The following LRP1B variants were observed in gnomAD, a reference collection of about 807,000 sequenced individuals.
LRP1B encodes the protein low-density lipoprotein receptor-related protein 1B.
A neutral mutation model predicts 556.6 loss-of-function variants in LRP1B; 217 were observed. That is an observed-to-expected ratio of 0.39 (90% CI 0.35 to 0.44). The LOEUF is 0.44. Among genes scored for constraint, LRP1B ranks in the 20% least tolerant of loss-of-function variants. The pLI is 1.00. For synonymous variants in LRP1B, 2,047 were observed against 1,865.8 expected, an observed-to-expected ratio of 1.10 and a Z score of -2.50; for missense variants, 5,053 against 5,620.8, an observed-to-expected ratio of 0.90 and a Z score of 3.23.
At chr2:140,969,428 T>C (rs1192216338) in intron 18 of LRP1B, among the ~76,000 whole-genome samples, 2 of 151,416 alleles carry the variant, frequency 1.3e-5, no homozygotes, top group African/African-American at 4.9e-5. Context: ...TGACTCTGCA[T>C]GTGAGATGGG....
At chr2:141,917,091 T>A (rs949587838) in intron 1 of LRP1B, among the ~76,000 whole-genome samples, 1 of 152,184 alleles carries the variant, frequency 6.6e-6, no homozygotes, top group Non-Finnish European at 1.5e-5. Context: ...ACAATTTATA[T>A]AACACTTATA....
intron 47 of LRP1B, 77 bp from the exon 48 acceptor site, chr2:140,526,427 T>A: frequency 1.0e-6 from 1 of 957,324 alleles, no homozygotes; most frequent in Admixed American, 2.2e-5. Context: ...AATATTTCAA[T>A]TATTTTATAT....
intron 2 of LRP1B, among the ~76,000 whole-genome samples, chr2:141,526,468 C>T (rs1259863416): frequency 6.6e-6 from 1 of 152,054 alleles, no homozygotes; most frequent in Non-Finnish European, 1.5e-5. Flanking sequence ...ATATTAATTA[C>T]TCTTTGATTC....
intron 41 of LRP1B, among the ~76,000 whole-genome samples, chr2:140,618,103 G>GA (rs566572518): frequency 1.2e-3 from 183 of 151,134 alleles, no homozygotes; most frequent in African/African-American, 4.3e-3. Flanking sequence ...TATAATAATT[G>GA]AAAAAACAGA....
intron 83 of LRP1B, among the ~76,000 whole-genome samples, chr2:140,308,211 A>G (rs1177047051): frequency 1.3e-5 from 2 of 151,892 alleles, no homozygotes; most frequent in South Asian, 2.1e-4. Flanking sequence ...TAAAAGCTAG[A>G]TTTATTTGAT....
chr2:140,611,906 A>G (rs1683084897), intron 41 of LRP1B, among the ~76,000 whole-genome samples: 1 of 152,136 alleles, frequency 6.6e-6, no homozygotes, highest in Admixed American at 6.5e-5. Flanking sequence ...GGAAAAATAA[A>G]TGCTCACCTT....
chr2:141,077,130 C>T (rs1699808498), intron 7 of LRP1B, among the ~76,000 whole-genome samples: 4 of 152,018 alleles, frequency 2.6e-5, no homozygotes, highest in African/African-American at 7.2e-5. Context: ...TGCCTCTAGT[C>T]GCAGCTACTC....
rs867589333 is a variant in LRP1B at position 141,356,715 on chromosome 2, C to A, written c.344-102074G>T. Among the ~76,000 whole-genome samples the A allele has an allele frequency of 3.9e-5, 6 of 152,026 alleles. No homozygotes were observed. The South Asian group carries it at 6.2e-4, about 16-fold the overall frequency. On this transcript the variant is annotated intron_variant, in intron 3 of 90. Transcript: ENST00000389484. ...GGTTTCTCTCACTTTGAGAAGAAGA[C>A]AAATATGTTTTATATAACTGTGAGG...
At chr2:141,387,702 C>G (rs2104899017) in intron 3 of LRP1B, among the ~76,000 whole-genome samples, 1 of 152,188 alleles carries the variant, frequency 6.6e-6, no homozygotes, top group Non-Finnish European at 1.5e-5. Context: ...AGGTCAAGAA[C>G]AGAGGGCTTC....
At chr2:140,977,245 G>A (rs1297976281) in intron 18 of LRP1B, among the ~76,000 whole-genome samples, 2 of 152,048 alleles carry the variant, frequency 1.3e-5, no homozygotes, top group Non-Finnish European at 2.9e-5. Context: ...GAGATCTGAG[G>A]GTATCATTAG....
At chr2:140,930,129 A>T (rs1371521934) in intron 20 of LRP1B, among the ~76,000 whole-genome samples, 1 of 152,064 alleles carries the variant, frequency 6.6e-6, no homozygotes, top group African/African-American at 2.4e-5. Context: ...CACACAATCT[A>T]TCTTTGTAAT....
intron 3 of LRP1B, among the ~76,000 whole-genome samples, chr2:141,313,721 T>C (rs1351250746): frequency 6.6e-6 from 1 of 152,184 alleles, no homozygotes; most frequent in African/African-American, 2.4e-5. Context: ...AGTGGGTGAT[T>C]ATTTTGGAAA....
intron 20 of LRP1B, among the ~76,000 whole-genome samples, chr2:140,934,093 T>C (rs1695133356): frequency 6.6e-6 from 1 of 152,116 alleles, no homozygotes; most frequent in African/African-American, 2.4e-5. Flanking sequence ...AGTTTGTATT[T>C]CATTGAAAAT....
intron 2 of LRP1B, among the ~76,000 whole-genome samples, chr2:141,622,732 C>T (rs570871517): frequency 5.6e-4 from 86 of 152,230 alleles, no homozygotes; most frequent in African/African-American, 2.0e-3. Flanking sequence ...AGTAACTATC[C>T]TATTTTTTGC....
chr2:141,551,811 C>G (rs1685760151), intron 2 of LRP1B, among the ~76,000 whole-genome samples: 1 of 152,036 alleles, frequency 6.6e-6, no homozygotes, highest in Non-Finnish European at 1.5e-5. Flanking sequence ...TCATAATGCT[C>G]TCATTTAATA....
rs556602725 is a variant in LRP1B at position 141,103,708 on chromosome 2, GT to G, written c.1014-41436del. 8.9e-4 allele frequency among the ~76,000 whole-genome samples: 129 copies of G among 145,096 alleles called. 1 individual carries two copies. The highest frequency in any genetic ancestry group is 2.2e-3 in the East Asian group (11 of 4,920). ...AAAAAAAAAGAAAATTAAGGCTGAAGTTTTTTTTTTTTAGAAGAAACCCCCT... is the reference window on the plus strand; with the variant it reads ...AAAAAAAAAGAAAATTAAGGCTGAAGTTTTTTTTTTTAGAAGAAACCCCCT... On this transcript the variant is annotated intron_variant, in intron 7 of 90. Coordinates refer to ENST00000389484, the MANE Select transcript of LRP1B (RefSeq NM_018557.3).
chr2:141,425,489 C>A (rs952892102), intron 3 of LRP1B, among the ~76,000 whole-genome samples: 2 of 151,306 alleles, frequency 1.3e-5, no homozygotes, highest in South Asian at 4.2e-4. Flanking sequence ...ACTGAGGAAT[C>A]GCCACACTGA....
chr2:142,127,905 T>C (rs1707711798), intron 1 of LRP1B, among the ~76,000 whole-genome samples: 1 of 152,080 alleles, frequency 6.6e-6, no homozygotes, highest in South Asian at 2.1e-4. Context: ...TTAATCCTTA[T>C]CAAGCAATAC....
chr2:140,386,322 C>T (rs115608297), intron 66 of LRP1B, among the ~76,000 whole-genome samples: 6,606 of 152,214 alleles, frequency 0.043, 154 homozygotes, highest in African/African-American at 0.047. Flanking sequence ...GCCTGTAATC[C>T]CAGCACTTCG....
Sources: allele counts gnomAD v4.1 joint callset (sites outside exome capture counted in the v4.1 genomes callset), GRCh38; gene constraint gnomAD v4.1.1; transcripts MANE v1.5; gene names NCBI Gene and HGNC (gene_info 2026-07-23, HGNC 2026-07-21).